The following PGAP4 variants were observed in gnomAD, a reference collection of about 807,000 sequenced individuals.
The protein encoded by PGAP4 is post-GPI attachment to proteins GalNAc transferase 4.
Under a neutral mutation model 28.2 loss-of-function variants are expected in PGAP4, and 12 were observed. The ratio of observed to expected loss-of-function variants is 0.42; its 90% CI spans 0.27 to 0.69. The LOEUF (loss-of-function observed/expected upper bound fraction) is 0.69, where lower values mean the gene tolerates loss of function less well. Ranked by LOEUF, PGAP4 falls within the 30% of genes least tolerant of loss-of-function variation. PGAP4 has a pLI of 0.22. For missense variants in PGAP4, 425 were observed against 513.5 expected (o/e 0.83, Z 1.67); for synonymous variants, 205 against 211.8 (o/e 0.97, Z 0.28).
chr9:101,477,268 A>C, intron 1 of PGAP4, 99 bp from the exon 2 acceptor site: 1 of 838,144 alleles, frequency 1.2e-6, no homozygotes, highest in Non-Finnish European at 1.7e-6. Flanking sequence ...CTCAGCACAT[A>C]TCAAACCAGA....
intron 2 of PGAP4, among the ~76,000 whole-genome samples, chr9:101,522,322 C>T (rs1826995929): frequency 6.6e-6 from 1 of 151,980 alleles, no homozygotes; most frequent in South Asian, 2.1e-4. Context: ...ATTGAAGTCC[C>T]CTACTATTAT....
chr9:101,497,950 G>A (rs1826766092), intron 2 of PGAP4, among the ~76,000 whole-genome samples: 1 of 151,778 alleles, frequency 6.6e-6, no homozygotes, highest in Non-Finnish European at 1.5e-5. Context: ...TTAGGGGATA[G>A]TAATGTAAAC....
At chr9:101,477,571 A>G (rs1406668729) in intron 1 of PGAP4, among the ~76,000 whole-genome samples, 3 of 152,166 alleles carry the variant, frequency 2.0e-5, no homozygotes, top group African/African-American at 7.2e-5. Context: ...GGAAATATAC[A>G]CATTTAGAGC....
chr9:101,515,726 A>G (rs1334994377), intron 2 of PGAP4, among the ~76,000 whole-genome samples: 3 of 152,176 alleles, frequency 2.0e-5, no homozygotes, highest in Non-Finnish European at 4.4e-5. Context: ...TTAGTATATT[A>G]TGATTTAAAT....
chr9:101,517,051 T>C (rs1055770529), intron 2 of PGAP4, among the ~76,000 whole-genome samples: 2 of 152,212 alleles, frequency 1.3e-5, no homozygotes, highest in African/African-American at 4.8e-5. Flanking sequence ...AATAACTATA[T>C]ACTGAAATTG....
upstream of PGAP4, among the ~76,000 whole-genome samples, chr9:101,491,539 A>T (rs1826689407): frequency 6.6e-6 from 1 of 152,158 alleles, no homozygotes; most frequent in Admixed American, 6.5e-5. Context: ...TTGACTAAAG[A>T]AGCTGATTCA....
chr9:101,506,159 G>T (rs879863611), intron 2 of PGAP4, among the ~76,000 whole-genome samples: 1 of 152,058 alleles, frequency 6.6e-6, no homozygotes, highest in African/African-American at 2.4e-5. Flanking sequence ...AGTAGTAGGT[G>T]ACATGACACC....
At chr9:101,487,768 T>C (rs1826647283), upstream of PGAP4, among the ~76,000 whole-genome samples, 1 of 152,226 alleles carries the variant, frequency 6.6e-6, no homozygotes, top group Non-Finnish European at 1.5e-5. Context: ...TTTTGCAATA[T>C]TTCATGGTTA....
intron 2 of PGAP4, among the ~76,000 whole-genome samples, chr9:101,521,052 A>G (rs7852231): frequency 0.016 from 2,424 of 152,238 alleles, 58 homozygotes; most frequent in African/African-American, 0.055. Context: ...CCATCCCTGC[A>G]TCCCTGGTAT....
chr9:101,525,197 C>T (rs867855155), intron 2 of PGAP4, among the ~76,000 whole-genome samples: 4 of 152,148 alleles, frequency 2.6e-5, no homozygotes, highest in African/African-American at 7.2e-5. Flanking sequence ...AAACTGCTTT[C>T]TAAAGTAAGC....
intron 2 of PGAP4, among the ~76,000 whole-genome samples, chr9:101,503,871 A>T (rs1263530055): frequency 6.6e-6 from 1 of 152,042 alleles, no homozygotes; most frequent in Non-Finnish European, 1.5e-5. Context: ...TCTGCTTTTA[A>T]AAAATTGGAC....
At chr9:101,525,727 A>C (rs1827030713) in intron 2 of PGAP4, among the ~76,000 whole-genome samples, 1 of 148,896 alleles carries the variant, frequency 6.7e-6, no homozygotes, top group Non-Finnish European at 1.5e-5. Context: ...AAAAAGAGAG[A>C]GAGAGAGAGA....
At chr9:101,531,824 C>T (rs1178353581) in intron 1 of PGAP4, among the ~76,000 whole-genome samples, 1 of 152,176 alleles carries the variant, frequency 6.6e-6, no homozygotes, top group African/African-American at 2.4e-5. Context: ...CAGACACTTA[C>T]GTAGTACCAG....
chr9:101,528,010 A>C (rs1827050447), intron 2 of PGAP4, among the ~76,000 whole-genome samples: 2 of 152,216 alleles, frequency 1.3e-5, no homozygotes, highest in African/African-American at 4.8e-5. Flanking sequence ...GTGCCTAATT[A>C]GGTACTGTTG....
At chr9:101,506,888 C>T (rs542463014) in intron 2 of PGAP4, among the ~76,000 whole-genome samples, 7 of 152,172 alleles carry the variant, frequency 4.6e-5, no homozygotes, top group African/African-American at 1.2e-4. Flanking sequence ...AACCTAACAG[C>T]CAAAGGTAGC....
chr9:101,476,906 G>C lies in PGAP4; in HGVS notation c.187C>G (p.Gln63Glu). Residue 63 changes from glutamine (Q) to glutamate (E), a missense_variant, in exon 2 of 2, where the codon CAA (glutamine) becomes GAA (glutamate). Transcript: ENST00000374848. This position sits in a 1 kb window ranked among gnomAD's most constrained non-coding sequence, Gnocchi z 7.0. ...TTCAAGCTTTGCTGCAGGAACTCTT[G>C]GCTCATTTGGTTCAGATGCCAATGG... ...LRHWHLNQMS[Q>E]EFLQQSLKEG... is the part of the protein sequence containing the mutation. 6.2e-7 allele frequency: 1 copy of C among 1,613,978 alleles called. No individual in the cohort carries two copies. Among genetic ancestry groups the C allele is most frequent in the African/African-American group, 1.3e-5 (1 of 75,040 alleles).
At chr9:101,529,873 A>G (rs1053632480) in intron 2 of PGAP4, among the ~76,000 whole-genome samples, 9 of 152,256 alleles carry the variant, frequency 5.9e-5, no homozygotes, top group African/African-American at 2.2e-4. Flanking sequence ...AAAAGTAAGA[A>G]CTTGCATTTT....
At chr9:101,481,604 GAC>G (rs1360679272) in intron 1 of PGAP4, 2 of 151,858 alleles carry the variant, frequency 1.3e-5, no homozygotes, top group Admixed American at 1.3e-4. Context: ...GACAGTAAAG[GAC>G]ACAGACTCTG....
At position 101,476,553 on chromosome 9, in the gene PGAP4, C is replaced by T. The variant is rs150564214; in HGVS notation, c.540G>A (p.Ser180=). 452 of 1,614,120 alleles carry T rather than the reference C, an allele frequency of 2.8e-4. 2 individuals are homozygous for T. In the African/African-American group the frequency reaches 4.8e-3, roughly 17 times the overall value. ...GCTTCTCTTTCTCAAACGAGTTGGT[C>T]GAAGGGTCATCACCATAATCATCCT... ...GTEDDYGDDP[S]TNSFEKEKQD... is the part of the protein sequence containing the mutation. Residue 180 remains serine (S), a synonymous_variant, in exon 2 of 2, where the codon TCG becomes TCA. Coordinates refer to ENST00000374848, the MANE Select transcript of PGAP4 (RefSeq NM_032342.3). The surrounding 1 kb of genome is among the most constrained non-coding windows in gnomAD (Gnocchi z 7.0).
Sources: gnomAD v4.1 joint callset for allele counts (sites outside exome capture counted in the v4.1 genomes callset) on GRCh38, gnomAD v4.1.1 for gene constraint, Gnocchi (gnomAD v3.1) non-coding constraint, MANE v1.5 for transcripts, NCBI Gene and HGNC (gene_info 2026-07-23, HGNC 2026-07-21) for gene names.